Variants in APLP2 observed in about 807,000 individuals in gnomAD.
The protein encoded by APLP2 is amyloid beta precursor like protein 2.
In APLP2, 53 loss-of-function variants were observed where a neutral mutation model predicts 89.9. The observed-to-expected ratio is 0.59, with a 90% CI of 0.47 to 0.74. The LOEUF (loss-of-function observed/expected upper bound fraction) is 0.74. APLP2 is among the 30% of genes least tolerant of loss of function. The pLI is 0.00. For synonymous variants in APLP2, 372 were observed against 348.6 expected (o/e 1.07, Z -0.75); for missense variants, 973 against 975.9 (o/e 1.00, Z 0.04).
chr11:130,105,167 C>G lies in APLP2; in HGVS notation c.106-4262C>G, dbSNP rs374280455. On this transcript the variant is annotated intron_variant, in intron 1 of 16. Coordinates refer to ENST00000338167, the MANE Select transcript of APLP2 (RefSeq NM_001142276.2). ...GTATCTCATGCTTAGGATCCCAGTC[C>G]TTTGGGAGGTCAAGGCAGAAGGATC... Among the ~76,000 whole-genome samples, 23 of 152,282 alleles carry G rather than the reference C, an allele frequency of 1.5e-4. No individual in the cohort carries two copies. The East Asian group carries it at 2.7e-3, about 18-fold the overall frequency.
chr11:130,124,463 G>C (rs560709546), intron 7 of APLP2, among the ~76,000 whole-genome samples: 44 of 152,128 alleles, frequency 2.9e-4, no homozygotes, highest in African/African-American at 1.0e-3. Context: ...CTGGACGTTG[G>C]TAGAAAGAGT....
chr11:130,106,594 C>A (rs934377107), intron 1 of APLP2, among the ~76,000 whole-genome samples: 1 of 152,182 alleles, frequency 6.6e-6, no homozygotes, highest in East Asian at 1.9e-4. Context: ...GCCTCAAAAT[C>A]AACATTGCCT....
intron 1 of APLP2, among the ~76,000 whole-genome samples, chr11:130,087,855 A>G (rs1443223056): frequency 6.6e-6 from 1 of 152,152 alleles, no homozygotes. Flanking sequence ...CTGCTGGGCT[A>G]TTGTTTTGCA....
At chr11:130,135,092 G>T (rs535484508) in intron 12 of APLP2, among the ~76,000 whole-genome samples, 282 of 150,704 alleles carry the variant, frequency 1.9e-3, no homozygotes, top group African/African-American at 6.8e-3. Context: ...TTGTAGTTAC[G>T]TGGGGTGGAT....
intron 1 of APLP2, among the ~76,000 whole-genome samples, chr11:130,089,730 C>T (rs560963254): frequency 4.5e-4 from 68 of 152,358 alleles, no homozygotes; most frequent in African/African-American, 1.6e-3. Context: ...CAGGACTGGA[C>T]TCCTTCTGAA....
chr11:130,083,021 CTTTTCTTTTTTTTTT>C (rs1222855724), intron 1 of APLP2, among the ~76,000 whole-genome samples: 4 of 79,976 alleles, frequency 5.0e-5, no homozygotes, highest in South Asian at 3.6e-4. Context: ...TGAAACTTTT[CTTTTCTTTTTTTTTT>C]TTTTTTTTTT....
chr11:130,075,386 T>G (rs938852336), intron 1 of APLP2, among the ~76,000 whole-genome samples: 3 of 152,206 alleles, frequency 2.0e-5, no homozygotes, highest in African/African-American at 7.2e-5. Flanking sequence ...GATTAGAAAA[T>G]TAGCTGACTT....
At chr11:130,120,891 T>C in intron 4 of APLP2, 73 bp downstream of exon 4, 1 of 1,028,644 alleles carries the variant, frequency 9.7e-7, no homozygotes, top group South Asian at 1.3e-5. Context: ...TCTCCAAATC[T>C]CACCATGCTT....
In APLP2 at chr11:130,107,739, A is replaced by C. The variant is rs191701064; in HGVS notation, c.106-1690A>C. 3.1e-3 allele frequency among the ~76,000 whole-genome samples: 471 copies of C among 152,346 alleles called. 2 individuals carry two copies. The highest frequency in any genetic ancestry group is 6.6e-3 in the Admixed American group (101 of 15,302). ...CTTTAAAGTTCATATGGAACCAAAA[A>C]AGAGCCCGCGTTGCCAAGTCAATCC... On this transcript the variant is annotated intron_variant, in intron 1 of 16. Transcript: ENST00000338167.
chr11:130,135,451 T>C (rs990000445), intron 12 of APLP2, 112 bp from the exon 13 acceptor site: 155 of 1,265,790 alleles, frequency 1.2e-4, no homozygotes, highest in Middle Eastern at 2.7e-4. Flanking sequence ...AGGAAGGTGT[T>C]TCAGGCAGGA....
At chr11:130,091,279 C>T (rs1166411736) in intron 1 of APLP2, among the ~76,000 whole-genome samples, 6 of 140,000 alleles carry the variant, frequency 4.3e-5, no homozygotes, top group Admixed American at 1.4e-4. Context: ...CTGACCCCCC[C>T]ACCTCCCTCC....
intron 1 of APLP2, among the ~76,000 whole-genome samples, chr11:130,092,528 C>G (rs1334250625): frequency 7.3e-6 from 1 of 136,282 alleles, no homozygotes; most frequent in Non-Finnish European, 1.6e-5. Flanking sequence ...GAGACCGGCC[C>G]GGCCAACACA....
chr11:130,080,940 C>T (rs371667981), intron 1 of APLP2, among the ~76,000 whole-genome samples: 29 of 151,292 alleles, frequency 1.9e-4, no homozygotes, highest in Admixed American at 1.5e-3. Flanking sequence ...CCACCTGCCT[C>T]GGCCTCCCAA....
chr11:130,143,280 G>T lies in APLP2; in HGVS notation c.2155-67G>T, dbSNP rs545021774. The T allele has an allele frequency of 1.5e-5, 22 of 1,449,798 alleles. No individual in the cohort carries two copies. The East Asian group carries it at 3.9e-4, about 25-fold the overall frequency. The allele number at this position is 1,449,798 out of a possible 1,614,324, so 89.8% of individuals were successfully genotyped here. A position where few individuals can be genotyped will look rare whatever the true frequency, so the allele number is the denominator to read the frequency against. Reference sequence around the variant, plus strand: ...GGGGATTGTGCAGCAAATGGCTCAGGTCTCCCAGCACCCTGTGCAGGTCTC... The same window carrying T: ...GGGGATTGTGCAGCAAATGGCTCAGTTCTCCCAGCACCCTGTGCAGGTCTC... On this transcript the variant is annotated intron_variant, in intron 16 of 16. Coordinates refer to ENST00000338167, the MANE Select transcript of APLP2 (RefSeq NM_001142276.2).
chr11:130,126,597 A>T (rs1375419696), intron 7 of APLP2, 103 bp from the exon 8 acceptor site: 1 of 1,419,556 alleles, frequency 7.0e-7, no homozygotes, highest in African/African-American at 1.4e-5. Flanking sequence ...AGAGAATGCC[A>T]CAAAACAAAT....
chr11:130,115,542 T>C (rs12295836), intron 3 of APLP2, among the ~76,000 whole-genome samples: 10,615 of 152,256 alleles, frequency 0.07, 1,277 homozygotes, highest in African/African-American at 0.24. Context: ...AAATGAATAT[T>C]GTATAGGTTA....
Position 130,095,379 on chromosome 11 carries a change from A to G in APLP2, c.106-14050A>G, listed in dbSNP as rs1296836077. Among the ~76,000 whole-genome samples, 5 of 152,360 alleles carry G rather than the reference A, an allele frequency of 3.3e-5. No homozygotes were observed. The East Asian group carries it at 9.6e-4, about 29-fold the overall frequency. ...AGAGAGAGACCTTTCTTTAAAAGTA[A>G]TAATTACAATGGAAATGAAGTATTG... is the stretch of plus-strand genomic sequence containing the variant. On this transcript the variant is annotated intron_variant, in intron 1 of 16. Coordinates refer to ENST00000338167, the MANE Select transcript of APLP2 (RefSeq NM_001142276.2).
intron 1 of APLP2, among the ~76,000 whole-genome samples, chr11:130,085,571 T>C (rs1006195780): frequency 6.6e-6 from 1 of 152,350 alleles, no homozygotes; most frequent in South Asian, 2.1e-4. Flanking sequence ...CACTAATCCT[T>C]CTCATAGTCT....
At chr11:130,137,284 G>GA (rs766122605) in intron 13 of APLP2, 1 of 1,613,982 alleles carries the variant, frequency 6.2e-7, no homozygotes. Context: ...ACCACCCAAT[G>GA]AAAAAAGGTT....
Sources: allele counts gnomAD v4.1 joint callset (sites outside exome capture counted in the v4.1 genomes callset), GRCh38; gene constraint gnomAD v4.1.1; transcripts MANE v1.5; gene names NCBI Gene and HGNC (gene_info 2026-07-23, HGNC 2026-07-21).